The following SLC37A3 variants were observed in gnomAD, a reference collection of about 807,000 sequenced individuals.
The protein encoded by SLC37A3 is solute carrier family 37 member 3.
Under a neutral mutation model 67.1 loss-of-function variants are expected in SLC37A3, and 51 were observed. That is an observed-to-expected ratio of 0.76 (90% CI 0.61 to 0.96). SLC37A3 has a LOEUF of 0.96. SLC37A3 is among the 40% of genes least tolerant of loss of function. The pLI is 0.00. For synonymous variants in SLC37A3, 214 were observed against 231.4 expected, an observed-to-expected ratio of 0.92 and a Z score of 0.68; for missense variants, 508 against 603.0, an observed-to-expected ratio of 0.84 and a Z score of 1.65.
chr7:140,350,381 C>T (rs866108665), intron 9 of SLC37A3, among the ~76,000 whole-genome samples: 34 of 152,050 alleles, frequency 2.2e-4, no homozygotes, highest in African/African-American at 7.2e-4. Flanking sequence ...TTAGTGTAGA[C>T]GTTAGAAGGC....
intron 13 of SLC37A3, among the ~76,000 whole-genome samples, chr7:140,340,428 A>G (rs562489380): frequency 1.3e-5 from 2 of 152,204 alleles, no homozygotes; most frequent in African/African-American, 4.8e-5. Context: ...CCCTTGTCAA[A>G]AATCAATTTG....
chr7:140,394,983 G>A (rs182926278), intron 1 of SLC37A3, among the ~76,000 whole-genome samples: 21 of 152,070 alleles, frequency 1.4e-4, no homozygotes, highest in African/African-American at 4.8e-4. Context: ...TCTAATTCTA[G>A]ATCCTATGTT....
chr7:140,383,631 A>G (rs1467908738), intron 1 of SLC37A3, among the ~76,000 whole-genome samples: 1 of 152,016 alleles, frequency 6.6e-6, no homozygotes, highest in Non-Finnish European at 1.5e-5. Context: ...GAAACAGAGA[A>G]AGAGGTCAGG....
intron 9 of SLC37A3, 109 bp from the exon 10 acceptor site, chr7:140,348,876 A>C: frequency 7.4e-7 from 1 of 1,354,830 alleles, no homozygotes; most frequent in Middle Eastern, 2.4e-4. Flanking sequence ...GGATGAACAG[A>C]ACCTGATTTT....
intron 3 of SLC37A3, among the ~76,000 whole-genome samples, chr7:140,375,969 C>A (rs1798016081): frequency 6.6e-6 from 1 of 152,214 alleles, no homozygotes; most frequent in South Asian, 2.1e-4. Context: ...GTGTGCCCAC[C>A]AGACTCATCA....
At chr7:140,384,527 CAT>C (rs1470724870) in intron 1 of SLC37A3, among the ~76,000 whole-genome samples, 1 of 151,062 alleles carries the variant, frequency 6.6e-6, no homozygotes, top group African/African-American at 2.4e-5. Context: ...GCCTGGGCAA[CAT>C]AGTGAGACCC....
At chr7:140,385,188 C>G (rs1798403814) in intron 1 of SLC37A3, among the ~76,000 whole-genome samples, 1 of 152,188 alleles carries the variant, frequency 6.6e-6, no homozygotes, top group Non-Finnish European at 1.5e-5. Flanking sequence ...ATATTAGCCA[C>G]TGATCTGCCA....
At chr7:140,360,892 C>T (rs1175004258) in intron 5 of SLC37A3, among the ~76,000 whole-genome samples, 1 of 152,036 alleles carries the variant, frequency 6.6e-6, no homozygotes, top group Non-Finnish European at 1.5e-5. Flanking sequence ...AGCTAGAAAA[C>T]CACAGAAGAC....
chr7:140,348,918 C>T lies in SLC37A3; in HGVS notation c.883-151G>A, dbSNP rs1038490219. 4 of 914,586 alleles carry T rather than the reference C, an allele frequency of 4.4e-6. No individual in the cohort carries two copies. In the African/African-American group the frequency reaches 6.8e-5, roughly 15 times the overall value. The allele number at this position is 914,586 out of a possible 1,614,324, so 56.7% of individuals were successfully genotyped here. Reference sequence around the variant, plus strand: ...AAACATCTCTACAAACTCCCACATGCCTGACTTCAGCTAGTCTCCCTCTGC... The same window carrying T: ...AAACATCTCTACAAACTCCCACATGTCTGACTTCAGCTAGTCTCCCTCTGC... On this transcript the variant is annotated intron_variant, in intron 9 of 14. Transcript: ENST00000326232.
chr7:140,388,956 T>C (rs1798617140), intron 1 of SLC37A3, among the ~76,000 whole-genome samples: 1 of 152,138 alleles, frequency 6.6e-6, no homozygotes, highest in Non-Finnish European at 1.5e-5. Context: ...TGGAACACAA[T>C]AGTGAAACCG....
At chr7:140,387,182 G>A (rs1434429830) in intron 1 of SLC37A3, among the ~76,000 whole-genome samples, 1 of 151,838 alleles carries the variant, frequency 6.6e-6, no homozygotes, top group East Asian at 1.9e-4. Flanking sequence ...TCACCGGTAG[G>A]GCACAGTGGC....
In SLC37A3 at chr7:140,334,227, T is replaced by A. The variant is rs1796048151; in HGVS notation, c.*1185A>T. 6.6e-6 allele frequency: 1 copy of A among 152,212 alleles called. No individual in the cohort carries two copies. The highest frequency in any genetic ancestry group is 1.5e-5 in the Non-Finnish European group (1 of 68,036). The allele number at this position is 152,212 out of a possible 1,614,324, so 9.4% of individuals were successfully genotyped here. On this transcript the variant is annotated 3_prime_UTR_variant, in exon 15 of 15. Coordinates refer to ENST00000326232, the MANE Select transcript of SLC37A3 (RefSeq NM_207113.3). ...AATATTCAATAAATTACATGATATA[T>A]TCAACACTCGATTATAAAATAGAGT...
chr7:140,350,859 T>C (rs943141391), intron 9 of SLC37A3, among the ~76,000 whole-genome samples: 2 of 152,200 alleles, frequency 1.3e-5, no homozygotes, highest in African/African-American at 4.8e-5. Flanking sequence ...AATTCTATAA[T>C]ACTTCGAAAG....
chr7:140,351,630 C>A, intron 8 of SLC37A3, 179 bp from the exon 9 acceptor site: 1 of 608,066 alleles, frequency 1.6e-6, no homozygotes, highest in Non-Finnish European at 2.8e-6. Flanking sequence ...TCTAAAAATA[C>A]TCAAAAGATA....
Position 140,367,234 on chromosome 7 carries a change from T to C in SLC37A3, c.291+2356A>G, listed in dbSNP as rs902499921. 1.8e-4 allele frequency among the ~76,000 whole-genome samples: 28 copies of C among 151,830 alleles called. 1 individual carries two copies. Among genetic ancestry groups the C allele is most frequent in the Admixed American group, 3.3e-4 (5 of 15,244 alleles). On this transcript the variant is annotated intron_variant, in intron 4 of 14. Transcript: ENST00000326232. ...AGTGGATCAACTGAGGACAGGAGTT[T>C]GAGACCAGCCTGGCCAACACGATGA...
At chr7:140,343,284 T>C in intron 13 of SLC37A3, 128 bp downstream of exon 13, 1 of 1,299,988 alleles carries the variant, frequency 7.7e-7, no homozygotes, top group Non-Finnish European at 1.1e-6. Flanking sequence ...GAGACGGAAG[T>C]CCTTGGGCTC....
In SLC37A3 at chr7:140,345,925, G is replaced by A. The variant is rs780276041; in HGVS notation, c.1070C>T (p.Ala357Val). The A allele has an allele frequency of 1.5e-5, 24 of 1,613,876 alleles. No individual in the cohort carries two copies. Among genetic ancestry groups the A allele is most frequent in the Middle Eastern group, 3.3e-4 (2 of 6,084 alleles). The change falls in exon 11 of 15, where the codon GCG (alanine) becomes GTG (valine). Residue 357 changes from alanine (A) to valine (V), a missense_variant. Physicochemically the swap from Ala to Val is moderately conservative, Grantham distance 64. Transcript: ENST00000326232. ...GFISDVLQKR[A>V]PVLALSLLLA... ...AAGCAGACTCAGGGCAAGAACCGGC[G>A]CTCTCTTCTGTAGTACATCAGAGAT...
In SLC37A3 at chr7:140,335,336, C is replaced by T. The variant is rs779156476; in HGVS notation, c.*76G>A. The T allele has an allele frequency of 6.2e-7, 1 of 1,614,156 alleles. No homozygotes were observed. Among genetic ancestry groups the T allele is most frequent in the Non-Finnish European group, 8.5e-7 (1 of 1,180,034 alleles). ...GATCAGGCTGGAGCTCCTAGACAAA[C>T]CCAAATTAGGGCAGACTCGAAGCCC... is the stretch of plus-strand genomic sequence containing the variant. On this transcript the variant is annotated 3_prime_UTR_variant, in exon 15 of 15. Coordinates refer to ENST00000326232, the MANE Select transcript of SLC37A3 (RefSeq NM_207113.3).
At chr7:140,379,475 A>G (rs1798162636) in intron 3 of SLC37A3, 1 of 144,230 alleles carries the variant, frequency 6.9e-6, no homozygotes, top group Non-Finnish European at 1.5e-5. Flanking sequence ...ACTCTGTCTC[A>G]AGAAAAAAAA....
Sources: allele counts gnomAD v4.1 joint callset (sites outside exome capture counted in the v4.1 genomes callset), GRCh38; gene constraint gnomAD v4.1.1; transcripts MANE v1.5; gene names NCBI Gene and HGNC (gene_info 2026-07-23, HGNC 2026-07-21).